Variants in PTH2R observed in about 807,000 individuals in gnomAD.
The protein encoded by PTH2R is PTH2 receptor.
A neutral mutation model predicts 60.3 loss-of-function variants in PTH2R; 59 were observed. The ratio of observed to expected loss-of-function variants is 0.98; its 90% CI spans 0.79 to 1.22. The LOEUF is 1.22. Among genes scored for constraint, PTH2R ranks in the 50% most tolerant of loss-of-function variants. PTH2R has a pLI of 0.00. For missense variants in PTH2R, 749 were observed against 682.6 expected, an observed-to-expected ratio of 1.10 and a Z score of -1.08; for synonymous variants, 256 against 243.8, an observed-to-expected ratio of 1.05 and a Z score of -0.47.
At chr2:208,493,200 T>C (rs2105914917) in intron 12 of PTH2R, 64 bp from the exon 13 acceptor site, 3 of 1,384,046 alleles carry the variant, frequency 2.2e-6, no homozygotes, top group Non-Finnish European at 2.8e-6. Flanking sequence ...GCAAACATCT[T>C]TGTAACAAGG....
intron 1 of PTH2R, among the ~76,000 whole-genome samples, chr2:208,371,394 G>C (rs1700698380): frequency 6.6e-6 from 1 of 152,122 alleles, no homozygotes; most frequent in Non-Finnish European, 1.5e-5. Context: ...TTGTGTAAAT[G>C]AGTCTTATCA....
chr2:208,447,326 C>T (rs771634209), intron 7 of PTH2R, among the ~76,000 whole-genome samples: 3 of 151,930 alleles, frequency 2.0e-5, no homozygotes, highest in Non-Finnish European at 4.4e-5. Context: ...CAGTGGCTCA[C>T]GCCTGTAATC....
chr2:208,404,623 C>G (rs966272440), upstream of PTH2R, among the ~76,000 whole-genome samples: 5 of 152,098 alleles, frequency 3.3e-5, no homozygotes, highest in Non-Finnish European at 7.3e-5. Context: ...TATGAGGCAA[C>G]TTGTTATTAG....
intron 1 of PTH2R, among the ~76,000 whole-genome samples, chr2:208,368,036 C>T (rs1007944829): frequency 3.3e-5 from 5 of 151,272 alleles, no homozygotes; most frequent in East Asian, 3.9e-4. Flanking sequence ...CAAACAATTA[C>T]GTGAATTTTT....
At chr2:208,490,541 T>TA in intron 11 of PTH2R, 98 bp from the exon 12 acceptor site, 1 of 1,170,834 alleles carries the variant, frequency 8.5e-7, no homozygotes, top group South Asian at 1.4e-5. Context: ...GAAGGAATCA[T>TA]AAAAAACAAT....
intron 4 of PTH2R, among the ~76,000 whole-genome samples, chr2:208,438,826 A>G (rs190343532): frequency 4.6e-5 from 7 of 152,252 alleles, no homozygotes; most frequent in Non-Finnish European, 7.4e-5. Context: ...GGTTTCTTTG[A>G]TTTTGCATTA....
intron 6 of PTH2R, among the ~76,000 whole-genome samples, chr2:208,444,510 T>C (rs1021960131): frequency 6.6e-6 from 1 of 152,192 alleles, no homozygotes; most frequent in South Asian, 2.1e-4. Context: ...TTTGGTAACT[T>C]CTTAAAGAAA....
At chr2:208,405,478 G>A (rs1701385364), upstream of PTH2R, among the ~76,000 whole-genome samples, 1 of 152,108 alleles carries the variant, frequency 6.6e-6, no homozygotes, top group South Asian at 2.1e-4. Flanking sequence ...ATTTTATATT[G>A]TAAACATAGA....
intron 1 of PTH2R, among the ~76,000 whole-genome samples, chr2:208,361,573 A>G (rs1284832286): frequency 1.3e-5 from 2 of 152,138 alleles, no homozygotes; most frequent in African/African-American, 4.8e-5. Flanking sequence ...TCATTTTGCA[A>G]AACTAAATAA....
rs1275683503 is a variant in PTH2R, at chr2:208,481,063, T to A, written c.982-7T>A. 6.4e-7 allele frequency: 1 copy of A among 1,571,292 alleles called. No homozygotes were observed. The highest frequency in any genetic ancestry group is 8.7e-7 in the Non-Finnish European group (1 of 1,146,862). ...ATAATTCTTTGTAATCTTACCTTCT[T>A]TTTCAGCTGAATTTTATTCTGTTTC... On this transcript the variant is annotated splice_region_variant and splice_polypyrimidine_tract_variant and intron_variant, in intron 9 of 12. Coordinates refer to ENST00000272847, the MANE Select transcript of PTH2R (RefSeq NM_005048.4).
chr2:208,431,748 T>C (rs1266608310), intron 2 of PTH2R, among the ~76,000 whole-genome samples: 2 of 152,180 alleles, frequency 1.3e-5, no homozygotes, highest in African/African-American at 4.8e-5. Context: ...TCCTGTTCAA[T>C]TTCTCCACCC....
chr2:208,466,231 TG>T, intron 9 of PTH2R: 1 of 152,682 alleles, frequency 6.5e-6, no homozygotes, highest in Non-Finnish European at 1.5e-5. Context: ...CCCATCATAG[TG>T]GATTGTCAAG....
At chr2:208,423,724 T>C (rs1317443047) in intron 1 of PTH2R, among the ~76,000 whole-genome samples, 1 of 152,218 alleles carries the variant, frequency 6.6e-6, no homozygotes, top group Non-Finnish European at 1.5e-5. Flanking sequence ...TTTGTTTATC[T>C]CTTCTTTCAT....
intron 1 of PTH2R, among the ~76,000 whole-genome samples, chr2:208,374,975 A>C (rs896889900): frequency 4.6e-5 from 7 of 152,130 alleles, no homozygotes; most frequent in African/African-American, 1.7e-4. Flanking sequence ...TGGATGTAAA[A>C]TAATCATAAG....
At chr2:208,405,753 G>A (rs186373593), upstream of PTH2R, among the ~76,000 whole-genome samples, 6 of 152,256 alleles carry the variant, frequency 3.9e-5, no homozygotes, top group East Asian at 9.7e-4. Flanking sequence ...TTAAGGTGAT[G>A]GCTTATTAGG....
At chr2:208,440,452 A>G (rs2105868499) in intron 4 of PTH2R, among the ~76,000 whole-genome samples, 1 of 152,294 alleles carries the variant, frequency 6.6e-6, no homozygotes, top group East Asian at 1.9e-4. Flanking sequence ...TTTTTTTTAA[A>G]AGAAACAAGA....
chr2:208,460,261 C>T (rs148414993), intron 9 of PTH2R, among the ~76,000 whole-genome samples: 3 of 152,016 alleles, frequency 2.0e-5, no homozygotes, highest in African/African-American at 4.8e-5. Context: ...TTTTCATCCA[C>T]GATATTATTT....
chr2:208,453,608 G>A (rs1702451708), intron 8 of PTH2R, among the ~76,000 whole-genome samples: 1 of 152,108 alleles, frequency 6.6e-6, no homozygotes, highest in African/African-American at 2.4e-5. Context: ...CAATTCTTCT[G>A]GATTCGGCTG....
intron 1 of PTH2R, among the ~76,000 whole-genome samples, chr2:208,412,867 G>A (rs34133063): frequency 0.019 from 2,900 of 152,148 alleles, 35 homozygotes; most frequent in Middle Eastern, 0.034. Context: ...TTGTCTATGT[G>A]CCTATTCAAT....
Sources: gnomAD v4.1 joint callset for allele counts (sites outside exome capture counted in the v4.1 genomes callset) on GRCh38, gnomAD v4.1.1 for gene constraint, MANE v1.5 for transcripts, NCBI Gene and HGNC (gene_info 2026-07-23, HGNC 2026-07-21) for gene names.